The following GPC5 variants were observed in gnomAD, a reference collection of about 807,000 sequenced individuals.
The protein encoded by GPC5 is glypican-5.
GPC5 carries 47 observed loss-of-function variants against 53.9 expected under a neutral mutation model. The ratio of observed to expected loss-of-function variants is 0.87; its 90% CI spans 0.69 to 1.11. GPC5 has a LOEUF of 1.11. Ranked by LOEUF, GPC5 falls within the 50% of genes most tolerant of loss-of-function variation. The pLI is 0.00. For synonymous variants in GPC5, 286 were observed against 263.3 expected (o/e 1.09, Z -0.84); for missense variants, 748 against 713.1 (o/e 1.05, Z -0.56).
chr13:91,923,284 A>G (rs1338005563), intron 6 of GPC5, among the ~76,000 whole-genome samples: 1 of 152,164 alleles, frequency 6.6e-6, no homozygotes, highest in African/African-American at 2.4e-5. Context: ...ACTTGAATGT[A>G]ATTTTATGAA....
At chr13:92,574,727 A>T (rs1379027195) in intron 7 of GPC5, among the ~76,000 whole-genome samples, 1 of 152,180 alleles carries the variant, frequency 6.6e-6, no homozygotes, top group African/African-American at 2.4e-5. Context: ...AAGTCAAGAC[A>T]ACTTTGAGGT....
intron 2 of GPC5, among the ~76,000 whole-genome samples, chr13:91,632,416 T>C (rs1459420389): frequency 2.0e-5 from 3 of 152,126 alleles, no homozygotes; most frequent in Admixed American, 1.3e-4. Context: ...GAGTCTAAGA[T>C]TGGTTTATCT....
At chr13:92,329,352 G>C (rs1308795487) in intron 7 of GPC5, among the ~76,000 whole-genome samples, 1 of 152,074 alleles carries the variant, frequency 6.6e-6, no homozygotes, top group Non-Finnish European at 1.5e-5. Flanking sequence ...AAGAAGGAGA[G>C]AGGATGGAGG....
At chr13:92,043,384 G>A (rs1318908467) in intron 6 of GPC5, among the ~76,000 whole-genome samples, 2 of 152,110 alleles carry the variant, frequency 1.3e-5, no homozygotes, top group Non-Finnish European at 2.9e-5. Context: ...GGGTGAGGCT[G>A]TGCCAAGCAA....
intron 7 of GPC5, among the ~76,000 whole-genome samples, chr13:92,204,599 C>T (rs1330075590): frequency 6.6e-6 from 1 of 152,158 alleles, no homozygotes; most frequent in African/African-American, 2.4e-5. Flanking sequence ...CACAACAATT[C>T]TGCGTTGATA....
chr13:92,455,063 C>T (rs1041236146), intron 7 of GPC5, among the ~76,000 whole-genome samples: 9 of 152,004 alleles, frequency 5.9e-5, no homozygotes, highest in Non-Finnish European at 1.0e-4. Context: ...GAAAGAGGTA[C>T]GAACTCAGAG....
At chr13:92,202,928 C>T (rs1271743079) in intron 7 of GPC5, among the ~76,000 whole-genome samples, 5 of 152,030 alleles carry the variant, frequency 3.3e-5, no homozygotes, top group East Asian at 1.9e-4. Flanking sequence ...ACTTATGCTC[C>T]TTATTAATTT....
At chr13:92,834,739 T>C (rs1397900490) in intron 7 of GPC5, among the ~76,000 whole-genome samples, 1 of 152,138 alleles carries the variant, frequency 6.6e-6, no homozygotes, top group East Asian at 1.9e-4. Context: ...AGAAAATGTA[T>C]AAAGAGATAA....
chr13:92,306,594 C>T (rs989542311), intron 7 of GPC5, among the ~76,000 whole-genome samples: 1 of 152,198 alleles, frequency 6.6e-6, no homozygotes, highest in Non-Finnish European at 1.5e-5. Flanking sequence ...TTGATCTAAG[C>T]TTGAAAGCAT....
At chr13:92,079,458 C>T (rs529531680) in intron 6 of GPC5, among the ~76,000 whole-genome samples, 1 of 152,332 alleles carries the variant, frequency 6.6e-6, no homozygotes, top group Non-Finnish European at 1.5e-5. Context: ...GCTGGCATTT[C>T]TTTACATTAA....
chr13:92,738,335 TAAAATA>T (rs1888995571), intron 7 of GPC5, among the ~76,000 whole-genome samples: 1 of 152,094 alleles, frequency 6.6e-6, no homozygotes, highest in African/African-American at 2.4e-5. Context: ...AAAGACTACT[TAAAATA>T]AATTTTTTGA....
At chr13:92,304,281 T>C (rs1350591887) in intron 7 of GPC5, among the ~76,000 whole-genome samples, 1 of 151,844 alleles carries the variant, frequency 6.6e-6, no homozygotes, top group Non-Finnish European at 1.5e-5. Flanking sequence ...CTTGGCTCAC[T>C]GCAAGCTCCA....
intron 7 of GPC5, among the ~76,000 whole-genome samples, chr13:92,346,661 T>C (rs2043415498): frequency 6.6e-6 from 1 of 152,168 alleles, no homozygotes; most frequent in Admixed American, 6.5e-5. Context: ...AATTAGGGAA[T>C]CATTACACTT....
In GPC5 at chr13:91,693,180, G is replaced by C. The variant is rs1289813666; in HGVS notation, c.326-7G>C. On this transcript the variant is annotated splice_region_variant and splice_polypyrimidine_tract_variant and intron_variant, in intron 2 of 7. Transcript: ENST00000377067. ...CTTCTCATGTTTTACCTCTGCTTGT[G>C]TTACAGAAACCCTTGAAACTCTCAT... 1 of 1,604,358 alleles carries C rather than the reference G, an allele frequency of 6.2e-7. No homozygotes were observed. Among genetic ancestry groups the C allele is most frequent in the Admixed American group, 1.7e-5 (1 of 59,370 alleles).
intron 1 of GPC5, among the ~76,000 whole-genome samples, chr13:91,416,373 A>G (rs1005364800): frequency 1.3e-5 from 2 of 152,168 alleles, no homozygotes; most frequent in Non-Finnish European, 2.9e-5. Context: ...GCTGCATCCT[A>G]AACATGTTTC....
At position 91,728,542 on chromosome 13, in the gene GPC5, T is replaced by C. The variant is rs1330958222; in HGVS notation, c.1031T>C (p.Ile344Thr). ...TTTTCTATTTAAAAGGTAAATAGGA[T>C]TTGTGGCCGCCCTGTAAGAACACCC... The part of the protein sequence containing the change: ...GQKLLEQVNR[I>T]CGRPVRTPTQ... The change falls in exon 4 of 8, where the codon ATT (isoleucine) becomes ACT (threonine). Residue 344 changes from isoleucine to threonine, a missense_variant. Physicochemically the swap from Ile to Thr is moderately conservative, Grantham distance 89. Transcript: ENST00000377067. 2 of 1,610,490 alleles carry C rather than the reference T, an allele frequency of 1.2e-6. No individual in the cohort carries two copies. Among genetic ancestry groups the C allele is most frequent in the Admixed American group, 1.7e-5 (1 of 59,600 alleles).
chr13:91,418,509 C>G (rs1000897112), intron 1 of GPC5, among the ~76,000 whole-genome samples: 1 of 152,090 alleles, frequency 6.6e-6, no homozygotes, highest in Non-Finnish European at 1.5e-5. Flanking sequence ...AAAGAAAAGG[C>G]TAGAGTATAG....
chr13:91,401,162 A>C (rs4090120), intron 1 of GPC5, among the ~76,000 whole-genome samples: 1 of 151,874 alleles, frequency 6.6e-6, no homozygotes, highest in Non-Finnish European at 1.5e-5. Context: ...ATTTAGATCC[A>C]CCCCCCAAAA....
intron 7 of GPC5, among the ~76,000 whole-genome samples, chr13:92,292,993 T>C (rs562884335): frequency 6.6e-6 from 1 of 152,314 alleles, no homozygotes; most frequent in South Asian, 2.1e-4. Flanking sequence ...TGGGTTTATT[T>C]CTTGGTGGTC....
Sources: gnomAD v4.1 joint callset for allele counts (sites outside exome capture counted in the v4.1 genomes callset) on GRCh38, gnomAD v4.1.1 for gene constraint, MANE v1.5 for transcripts, NCBI Gene and HGNC (gene_info 2026-07-23, HGNC 2026-07-21) for gene names.